The following XKR4 variants were observed in gnomAD, a reference collection of about 807,000 sequenced individuals.
XKR4 encodes the protein XK-related protein 4.
Under a neutral mutation model 53.9 loss-of-function variants are expected in XKR4, and 12 were observed. The ratio of observed to expected loss-of-function variants is 0.22; its 90% CI spans 0.14 to 0.36. The LOEUF is 0.36. Ranked by LOEUF, XKR4 falls within the 10% of genes least tolerant of loss-of-function variation. The pLI is 1.00. For missense variants in XKR4, 799 were observed against 859.5 expected (o/e 0.93, Z 0.88); for synonymous variants, 354 against 362.4 (o/e 0.98, Z 0.26).
chr8:55,152,106 C>A (rs1816847670), intron 1 of XKR4, among the ~76,000 whole-genome samples: 1 of 152,120 alleles, frequency 6.6e-6, no homozygotes, highest in Non-Finnish European at 1.5e-5. Flanking sequence ...ATAATTTCTA[C>A]CCTTCCAATA....
At chr8:55,386,599 A>C (rs1371999277) in intron 2 of XKR4, among the ~76,000 whole-genome samples, 1 of 152,212 alleles carries the variant, frequency 6.6e-6, no homozygotes, top group East Asian at 1.9e-4. Context: ...GAGATTGGGA[A>C]GGTATTTCCA....
chr8:55,459,889 AAT>A (rs1805624996), intron 2 of XKR4, among the ~76,000 whole-genome samples: 1 of 152,096 alleles, frequency 6.6e-6, no homozygotes, highest in Non-Finnish European at 1.5e-5. Flanking sequence ...AAATATTAAT[AAT>A]ATTAATGTAT....
chr8:55,301,100 T>C (rs1819187135), intron 1 of XKR4, among the ~76,000 whole-genome samples: 1 of 151,680 alleles, frequency 6.6e-6, no homozygotes, highest in South Asian at 2.1e-4. Flanking sequence ...ACCCATTAAC[T>C]GGTCATTTAG....
intron 1 of XKR4, among the ~76,000 whole-genome samples, chr8:55,341,393 G>T (rs1440762558): frequency 6.6e-6 from 1 of 152,090 alleles, no homozygotes; most frequent in Non-Finnish European, 1.5e-5. Context: ...GTCCTTTTAG[G>T]CTGCCCTGCA....
At chr8:55,155,468 G>T (rs1302393868) in intron 1 of XKR4, among the ~76,000 whole-genome samples, 1 of 151,452 alleles carries the variant, frequency 6.6e-6, no homozygotes, top group African/African-American at 2.4e-5. Context: ...TATTACATAT[G>T]ATGTAAAATA....
chr8:55,475,789 G>A (rs1039754559), intron 2 of XKR4, among the ~76,000 whole-genome samples: 3 of 151,708 alleles, frequency 2.0e-5, no homozygotes, highest in African/African-American at 7.3e-5. Context: ...TTTTAGTAGA[G>A]ACAGGATTTC....
At chr8:55,262,105 A>G (rs767758573) in intron 1 of XKR4, among the ~76,000 whole-genome samples, 12 of 152,346 alleles carry the variant, frequency 7.9e-5, no homozygotes, top group Admixed American at 2.6e-4. Context: ...ACTTTGCATA[A>G]TAATGGAGAA....
intron 1 of XKR4, among the ~76,000 whole-genome samples, chr8:55,133,512 T>C (rs1323669841): frequency 6.6e-6 from 1 of 152,190 alleles, no homozygotes; most frequent in Non-Finnish European, 1.5e-5. Flanking sequence ...TGCTGCTTCA[T>C]GAATAGGAAT....
chr8:55,219,011 CTT>C (rs5891562), intron 1 of XKR4, among the ~76,000 whole-genome samples: 1 of 145,980 alleles, frequency 6.9e-6, no homozygotes, highest in African/African-American at 2.5e-5. Flanking sequence ...TAGAAGCAGT[CTT>C]TTTTTTTTTT....
chr8:55,141,671 C>CTCTCTCTCTCTCTCTGTGTG (rs748708972), intron 1 of XKR4, among the ~76,000 whole-genome samples: 38 of 135,294 alleles, frequency 2.8e-4, no homozygotes, highest in Non-Finnish European at 5.5e-4. Context: ...CTCTCTCTCT[C>CTCTCTCTCTCTCTCTGTGTG]TGTGTGTGTG....
chr8:55,192,583 T>C (rs994804872), intron 1 of XKR4, among the ~76,000 whole-genome samples: 4 of 152,184 alleles, frequency 2.6e-5, no homozygotes, highest in Non-Finnish European at 5.9e-5. Flanking sequence ...ACTCGGGTTA[T>C]TGAGGCAGAC....
intron 2 of XKR4, among the ~76,000 whole-genome samples, chr8:55,407,673 T>C (rs1016772191): frequency 6.6e-6 from 1 of 152,202 alleles, no homozygotes; most frequent in Non-Finnish European, 1.5e-5. Flanking sequence ...GAGGTCTAAG[T>C]AAGATCACAT....
chr8:55,135,824 G>C (rs1816620222), intron 1 of XKR4, among the ~76,000 whole-genome samples: 1 of 152,106 alleles, frequency 6.6e-6, no homozygotes, highest in Admixed American at 6.5e-5. Context: ...AAGTGGAACA[G>C]CTCTGAAGAA....
At chr8:55,157,683 C>T (rs1305980910) in intron 1 of XKR4, among the ~76,000 whole-genome samples, 1 of 152,102 alleles carries the variant, frequency 6.6e-6, no homozygotes, top group African/African-American at 2.4e-5. Flanking sequence ...CCACCCTGCA[C>T]CCTCAAGTAG....
intron 2 of XKR4, among the ~76,000 whole-genome samples, chr8:55,429,437 C>T (rs10081507): frequency 0.11 from 17,165 of 151,862 alleles, 2,692 homozygotes; most frequent in African/African-American, 0.35. Flanking sequence ...AGGTCGGGTG[C>T]GGTGGCTCAT....
intron 2 of XKR4, among the ~76,000 whole-genome samples, chr8:55,360,564 T>A (rs72645647): frequency 2.0e-5 from 3 of 152,362 alleles, no homozygotes; most frequent in Non-Finnish European, 1.5e-5. Context: ...TCAATAGGCA[T>A]GAAATCTGTA....
At chr8:55,169,283 C>T (rs1005243979) in intron 1 of XKR4, among the ~76,000 whole-genome samples, 2 of 152,198 alleles carry the variant, frequency 1.3e-5, no homozygotes, top group African/African-American at 4.8e-5. Context: ...GCCTTTCTGC[C>T]AGTGGTGGTT....
chr8:55,452,423 T>C (rs572127073), intron 2 of XKR4: 235 of 629,696 alleles, frequency 3.7e-4, no homozygotes, highest in Middle Eastern at 3.1e-3. Context: ...CTGGGAGCAG[T>C]GCTGGCCACC....
At chr8:55,336,205 C>T (rs572302046) in intron 1 of XKR4, among the ~76,000 whole-genome samples, 4 of 151,910 alleles carry the variant, frequency 2.6e-5, no homozygotes, top group Non-Finnish European at 5.9e-5. Flanking sequence ...GGGGGCGGGT[C>T]TTTTCTGGGC....
Sources: allele counts gnomAD v4.1 joint callset (sites outside exome capture counted in the v4.1 genomes callset), GRCh38; gene constraint gnomAD v4.1.1; transcripts MANE v1.5; gene names NCBI Gene and HGNC (gene_info 2026-07-23, HGNC 2026-07-21).